Variants in ZSWIM5 observed in about 807,000 individuals in gnomAD.
ZSWIM5 encodes zinc finger SWIM-type containing 5, also known as zinc finger SWIM domain-containing protein 5.
ZSWIM5 carries 55 observed loss-of-function variants against 119.6 expected under a neutral mutation model. That is an observed-to-expected ratio of 0.46 (90% CI 0.37 to 0.58). The LOEUF is 0.58. Ranked by LOEUF, ZSWIM5 falls within the 20% of genes least tolerant of loss-of-function variation. The pLI, the probability that ZSWIM5 is intolerant of heterozygous loss-of-function variation, is 0.00. For synonymous variants in ZSWIM5, 537 were observed against 606.9 expected, an observed-to-expected ratio of 0.88 and a Z score of 1.69; for missense variants, 1,193 against 1,512.8, an observed-to-expected ratio of 0.79 and a Z score of 3.51.
chr1:45,058,100 A>C (rs1273128474), intron 4 of ZSWIM5, among the ~76,000 whole-genome samples: 1 of 152,260 alleles, frequency 6.6e-6, no homozygotes, highest in Non-Finnish European at 1.5e-5. Context: ...ACTATAACTC[A>C]GATGAGTAGA....
chr1:45,107,269 A>T (rs1245717675), intron 1 of ZSWIM5, among the ~76,000 whole-genome samples: 6 of 152,190 alleles, frequency 3.9e-5, no homozygotes, highest in Admixed American at 3.3e-4. Flanking sequence ...TTTCGTGTAT[A>T]AAAAAGGTAA....
chr1:45,185,890 C>A (rs1646055014), intron 1 of ZSWIM5, among the ~76,000 whole-genome samples: 2 of 152,194 alleles, frequency 1.3e-5, no homozygotes, highest in South Asian at 4.1e-4. Flanking sequence ...ACCCAGCCAT[C>A]CCATTACTGG....
At position 45,142,264 on chromosome 1, in the gene ZSWIM5, G is replaced by A. The variant is rs147789469; in HGVS notation, c.596-54027C>T. On this transcript the variant is annotated intron_variant, in intron 1 of 13. Transcript: ENST00000359600. ...TAGAGATAACTACACATACAAATTG[G>A]ACAACTTTAATGAAATCAACTAATT... Among the ~76,000 whole-genome samples the A allele has an allele frequency of 1.8e-3, 271 of 152,202 alleles. 4 individuals carry two copies. Among genetic ancestry groups the A allele is most frequent in the Middle Eastern group, 6.8e-3 (2 of 294 alleles).
At chr1:45,096,329 T>C (rs1645401550) in intron 1 of ZSWIM5, among the ~76,000 whole-genome samples, 1 of 146,886 alleles carries the variant, frequency 6.8e-6, no homozygotes, top group South Asian at 2.2e-4. Flanking sequence ...GCTTTACTAG[T>C]GACTCCAGTG....
At chr1:45,152,801 A>C (rs1054723698) in intron 1 of ZSWIM5, among the ~76,000 whole-genome samples, 11 of 152,132 alleles carry the variant, frequency 7.2e-5, no homozygotes, top group African/African-American at 2.7e-4. Flanking sequence ...AGAAACTATC[A>C]ACTGAATAAA....
intron 1 of ZSWIM5, among the ~76,000 whole-genome samples, chr1:45,171,853 C>A (rs927078562): frequency 2.6e-5 from 4 of 151,920 alleles, no homozygotes; most frequent in African/African-American, 9.7e-5. Context: ...ACCAACTAAC[C>A]AGAAGTTATT....
At chr1:45,114,875 T>C (rs924124579) in intron 1 of ZSWIM5, among the ~76,000 whole-genome samples, 9 of 152,240 alleles carry the variant, frequency 5.9e-5, no homozygotes, top group African/African-American at 2.2e-4. Context: ...TTCAAGCATC[T>C]GTTTAACAAA....
intron 11 of ZSWIM5, among the ~76,000 whole-genome samples, chr1:45,026,166 C>A (rs984371700): frequency 2.0e-5 from 3 of 152,118 alleles, no homozygotes; most frequent in African/African-American, 7.2e-5. Flanking sequence ...TCCCAAGTAG[C>A]TGGAACTATA....
chr1:45,162,198 T>C (rs1645867685), intron 1 of ZSWIM5, among the ~76,000 whole-genome samples: 2 of 152,152 alleles, frequency 1.3e-5, no homozygotes, highest in African/African-American at 4.8e-5. Context: ...AAATAAAGAA[T>C]AAAGATTAAA....
At chr1:45,141,242 C>T (rs1202501165) in intron 1 of ZSWIM5, among the ~76,000 whole-genome samples, 1 of 152,142 alleles carries the variant, frequency 6.6e-6, no homozygotes, top group Non-Finnish European at 1.5e-5. Flanking sequence ...GAGGATGAGA[C>T]CAATTCTCAC....
intron 1 of ZSWIM5, among the ~76,000 whole-genome samples, chr1:45,180,760 A>C (rs565486311): frequency 8.5e-5 from 13 of 152,266 alleles, no homozygotes; most frequent in Non-Finnish European, 1.6e-4. Context: ...ATCAGACAGC[A>C]GCATTCACGG....
chr1:45,101,891 G>C (rs1404684001), intron 1 of ZSWIM5, among the ~76,000 whole-genome samples: 1 of 152,148 alleles, frequency 6.6e-6, no homozygotes, highest in East Asian at 1.9e-4. Flanking sequence ...GGCCTGTCGT[G>C]GGGTGGAGGG....
chr1:45,149,428 T>TATAA (rs1290836502), intron 1 of ZSWIM5, among the ~76,000 whole-genome samples: 1 of 152,248 alleles, frequency 6.6e-6, no homozygotes, highest in Admixed American at 6.5e-5. Flanking sequence ...GGAATGATTA[T>TATAA]GCTCATATAA....
At position 45,019,669 on chromosome 1, in the gene ZSWIM5, G is replaced by A. The variant is rs191572788; in HGVS notation, c.2696-353C>T. Among the ~76,000 whole-genome samples, 337 of 152,278 alleles carry A rather than the reference G, an allele frequency of 2.2e-3. 2 individuals are homozygous for A. Among genetic ancestry groups the A allele is most frequent in the African/African-American group, 7.8e-3 (325 of 41,548 alleles). ...GTGGGGCCTCTCAGGGTAGAGTCTT[G>A]TGCTGGGGCTTTGGGCTTTAGAAAG... On this transcript the variant is annotated intron_variant, in intron 13 of 13. Transcript: ENST00000359600. This position sits in a 1 kb window ranked among gnomAD's most constrained non-coding sequence, Gnocchi z 5.0.
At chr1:45,140,116 C>T (rs1645717548) in intron 1 of ZSWIM5, among the ~76,000 whole-genome samples, 1 of 152,228 alleles carries the variant, frequency 6.6e-6, no homozygotes, top group Non-Finnish European at 1.5e-5. Context: ...TGATAAGGTA[C>T]TAATACTATT....
chr1:45,159,509 TAATC>T (rs1645850358), intron 1 of ZSWIM5, among the ~76,000 whole-genome samples: 1 of 152,216 alleles, frequency 6.6e-6, no homozygotes, highest in Non-Finnish European at 1.5e-5. Context: ...TAAAGAATGT[TAATC>T]AAAGTTTTTT....
intron 1 of ZSWIM5, among the ~76,000 whole-genome samples, chr1:45,141,297 G>C (rs1347401156): frequency 6.6e-6 from 1 of 152,124 alleles, no homozygotes; most frequent in African/African-American, 2.4e-5. Context: ...AGATATGCAA[G>C]TATACATCAG....
chr1:45,131,716 C>T (rs1182678653), intron 1 of ZSWIM5, among the ~76,000 whole-genome samples: 3 of 122,914 alleles, frequency 2.4e-5, no homozygotes, highest in Non-Finnish European at 4.8e-5. Context: ...CAAAGCAAGA[C>T]TCTGTCTCAA....
chr1:45,120,032 T>C lies in ZSWIM5; in HGVS notation c.596-31795A>G, dbSNP rs1363512223. On this transcript the variant is annotated intron_variant, in intron 1 of 13. Transcript: ENST00000359600. ...CTGTTCTTTCTAAATTCAACCACAG[T>C]TGCTGAACATTGCTATCAAAACCCA... is the stretch of plus-strand genomic sequence containing the variant. Among the ~76,000 whole-genome samples the C allele has an allele frequency of 3.9e-5, 6 of 152,190 alleles. No homozygotes were observed. The East Asian group carries it at 9.6e-4, about 24-fold the overall frequency.
Sources: gnomAD v4.1 joint callset for allele counts (sites outside exome capture counted in the v4.1 genomes callset) on GRCh38, gnomAD v4.1.1 for gene constraint, Gnocchi (gnomAD v3.1) non-coding constraint, MANE v1.5 for transcripts, NCBI Gene and HGNC (gene_info 2026-07-23, HGNC 2026-07-21) for gene names.